The following USP6NL variants were observed in gnomAD, a reference collection of about 807,000 sequenced individuals.
USP6NL encodes USP6 N-terminal like, also known as USP6 N-terminal-like protein.
USP6NL carries 26 observed loss-of-function variants against 61.9 expected under a neutral mutation model. The ratio of observed to expected loss-of-function variants is 0.42; its 90% CI spans 0.31 to 0.58. USP6NL has a LOEUF of 0.58. Ranked by LOEUF, USP6NL falls within the 20% of genes least tolerant of loss-of-function variation. USP6NL has a pLI of 0.16. For synonymous variants in USP6NL, 432 were observed against 390.1 expected (o/e 1.11, Z -1.27); for missense variants, 1,114 against 1,034.3 (o/e 1.08, Z -1.06).
Position 11,548,013 on chromosome 10 carries a change from AT to A in USP6NL, c.5-20447del, listed in dbSNP as rs745632658. Among the ~76,000 whole-genome samples, 1 of 152,338 alleles carries A rather than the reference AT, an allele frequency of 6.6e-6. No homozygotes were observed. Among genetic ancestry groups the A allele is most frequent in the Non-Finnish European group, 1.5e-5 (1 of 68,020 alleles). On this transcript the variant is annotated intron_variant, in intron 2 of 14. Transcript: ENST00000609104. This position sits in a 1 kb window ranked among gnomAD's most constrained non-coding sequence, Gnocchi z 4.3. ...AGCTCAACCTCTCACAAATGATGAT[AT>A]CCCCTCGATAACATCTCTTAATAAG... is the stretch of plus-strand genomic sequence containing the variant.
intron 14 of USP6NL, among the ~76,000 whole-genome samples, chr10:11,469,661 G>A (rs1375855794): frequency 6.6e-6 from 1 of 152,188 alleles, no homozygotes; most frequent in East Asian, 1.9e-4. Context: ...TCAAATACAG[G>A]TGCTGAAAAA....
intron 6 of USP6NL, among the ~76,000 whole-genome samples, chr10:11,508,616 G>A (rs148446536): frequency 2.0e-5 from 3 of 152,258 alleles, no homozygotes; most frequent in East Asian, 3.9e-4. Context: ...GAATGCCCTC[G>A]ATGAAGCAGT....
chr10:11,605,815 T>C (rs1332900130), intron 1 of USP6NL, among the ~76,000 whole-genome samples: 2 of 151,924 alleles, frequency 1.3e-5, no homozygotes, highest in Admixed American at 6.6e-5. Flanking sequence ...AAGAAAATAT[T>C]CAAAACAAAA....
Position 11,518,418 on chromosome 10 carries a change from C to T in USP6NL, c.195+117G>A, listed in dbSNP as rs1406936808. 2 of 882,838 alleles carry T rather than the reference C, an allele frequency of 2.3e-6. No homozygotes were observed. The highest frequency in any genetic ancestry group is 2.2e-5 in the Admixed American group (1 of 45,496). 54.7% of individuals were successfully genotyped at this position (882,838 alleles called of 1,614,324 possible). A position where few individuals can be genotyped will look rare whatever the true frequency, so the allele number is the denominator to read the frequency against. On this transcript the variant is annotated intron_variant, in intron 5 of 14. Coordinates refer to ENST00000609104, the MANE Select transcript of USP6NL (RefSeq NM_014688.5). The surrounding 1 kb of genome is among the most constrained non-coding windows in gnomAD (Gnocchi z 5.3). ...TGGCATAATGAGGTCCAAAATCTAA[C>T]AATGACTGTACCATTCCCATATAAT...
Position 11,478,226 on chromosome 10 carries a change from C to T in USP6NL, c.1078+3544G>A, listed in dbSNP as rs1053006830. Among the ~76,000 whole-genome samples, 15 of 152,342 alleles carry T rather than the reference C, an allele frequency of 9.8e-5. No homozygotes were observed. The highest frequency in any genetic ancestry group is 3.6e-4 in the African/African-American group (15 of 41,578). ...TTGGGTCTCCTCTGCAGAGCCCCTG[C>T]TTAGGCTCCAACGCCAGTGGCAGCA... On this transcript the variant is annotated intron_variant, in intron 14 of 14. Transcript: ENST00000609104. This position sits in a 1 kb window ranked among gnomAD's most constrained non-coding sequence, Gnocchi z 6.8.
At chr10:11,471,368 A>C (rs1359276824) in intron 14 of USP6NL, among the ~76,000 whole-genome samples, 1 of 152,158 alleles carries the variant, frequency 6.6e-6, no homozygotes, top group Admixed American at 6.5e-5. Flanking sequence ...ACACTTTTAC[A>C]CTGTTGGTGG....
Position 11,461,540 on chromosome 10 carries a change from C to G in USP6NL, c.*901G>C, listed in dbSNP as rs1437414044. 6.6e-6 allele frequency: 1 copy of G among 152,168 alleles called. No homozygotes were observed. Among genetic ancestry groups the G allele is most frequent in the Non-Finnish European group, 1.5e-5 (1 of 68,034 alleles). 9.4% of individuals were successfully genotyped at this position (152,168 alleles called of 1,614,324 possible). On this transcript the variant is annotated 3_prime_UTR_variant, in exon 15 of 15. Coordinates refer to ENST00000609104, the MANE Select transcript of USP6NL (RefSeq NM_014688.5). ...CACACTGCTAATGCAGTTAGTGTGGCTGCCCCACATGAGTACTGTGAGCAC... is the reference window on the plus strand; with the variant it reads ...CACACTGCTAATGCAGTTAGTGTGGGTGCCCCACATGAGTACTGTGAGCAC...
chr10:11,590,036 T>A (rs368650436), intron 2 of USP6NL, among the ~76,000 whole-genome samples: 1 of 152,202 alleles, frequency 6.6e-6, no homozygotes, highest in East Asian at 1.9e-4. Flanking sequence ...ACCTCCTAAC[T>A]TCTGGGCCAC....
intron 6 of USP6NL, among the ~76,000 whole-genome samples, chr10:11,503,543 G>A (rs150365691): frequency 1.3e-5 from 2 of 152,212 alleles, no homozygotes; most frequent in South Asian, 2.1e-4. Context: ...GTACATATGG[G>A]AAAGCTTAAG....
chr10:11,470,980 T>C lies in USP6NL; in HGVS notation c.1079-7131A>G, dbSNP rs1832718613. Among the ~76,000 whole-genome samples the C allele has an allele frequency of 6.6e-6, 1 of 152,102 alleles. No homozygotes were observed. On this transcript the variant is annotated intron_variant, in intron 14 of 14. Transcript: ENST00000609104. This position sits in a 1 kb window ranked among gnomAD's most constrained non-coding sequence, Gnocchi z 5.4. ...GTGGGCGGATCACGAGGTCAGGAGA[T>C]GGAGACCATCCCGGCCAACATGGTG...
In USP6NL at chr10:11,465,658, G is replaced by A. The variant is rs994013767; in HGVS notation, c.1079-1809C>T. 1.3e-5 allele frequency among the ~76,000 whole-genome samples: 2 copies of A among 152,178 alleles called. No individual in the cohort carries two copies. Among genetic ancestry groups the A allele is most frequent in the African/African-American group, 4.8e-5 (2 of 41,440 alleles). ...GTGCTCTCCCCACACCGTGCTGGCA[G>A]CGGAAGCACCCAAGCTGCTCTCAGT... On this transcript the variant is annotated intron_variant, in intron 14 of 14. Transcript: ENST00000609104. This position sits in a 1 kb window ranked among gnomAD's most constrained non-coding sequence, Gnocchi z 4.5.
Position 11,562,387 on chromosome 10 carries a change from A to T in USP6NL, c.5-34820T>A, listed in dbSNP as rs1312666907. 1 of 985,260 alleles carries T rather than the reference A, an allele frequency of 1.0e-6. No homozygotes were observed. Among genetic ancestry groups the T allele is most frequent in the Admixed American group, 6.1e-5 (1 of 16,266 alleles). The allele number at this position is 985,260 out of a possible 1,614,324, so 61.0% of individuals were successfully genotyped here. On this transcript the variant is annotated intron_variant, in intron 2 of 14. Coordinates refer to ENST00000609104, the MANE Select transcript of USP6NL (RefSeq NM_014688.5). The surrounding 1 kb of genome is among the most constrained non-coding windows in gnomAD (Gnocchi z 4.8). Reference sequence around the variant, plus strand: ...TCCTTACACAGGTGACACCAACTTCAGATTTCCCCTTTTCCTTTTTCTTCT... The same window carrying T: ...TCCTTACACAGGTGACACCAACTTCTGATTTCCCCTTTTCCTTTTTCTTCT...
chr10:11,549,674 A>T (rs1836413735), intron 2 of USP6NL, among the ~76,000 whole-genome samples: 1 of 152,202 alleles, frequency 6.6e-6, no homozygotes. Context: ...AGTCTGTGGT[A>T]ATCAAGCCCA....
intron 6 of USP6NL, among the ~76,000 whole-genome samples, chr10:11,508,619 G>T (rs561687226): frequency 7.1e-4 from 108 of 152,330 alleles, no homozygotes; most frequent in Middle Eastern, 3.4e-3. Flanking sequence ...TGCCCTCGAT[G>T]AAGCAGTAAA....
At chr10:11,571,934 T>C (rs77328712) in intron 2 of USP6NL, among the ~76,000 whole-genome samples, 2,509 of 150,892 alleles carry the variant, frequency 0.017, 71 homozygotes, top group African/African-American at 0.057. Context: ...TCTACTACTT[T>C]AATATACTAC....
At chr10:11,609,882 G>C (rs576521834) in intron 1 of USP6NL, among the ~76,000 whole-genome samples, 5 of 152,162 alleles carry the variant, frequency 3.3e-5, no homozygotes, top group Non-Finnish European at 7.4e-5. Context: ...GTCCCCAGTA[G>C]GAGCTATTTG....
At chr10:11,480,666 C>T (rs899718264) in intron 14 of USP6NL, among the ~76,000 whole-genome samples, 4 of 152,152 alleles carry the variant, frequency 2.6e-5, no homozygotes, top group Non-Finnish European at 4.4e-5. Context: ...TAAATAAAAG[C>T]AAACATCTTG....
intron 14 of USP6NL, among the ~76,000 whole-genome samples, chr10:11,479,515 A>G (rs959881434): frequency 6.6e-6 from 1 of 151,510 alleles, no homozygotes; most frequent in Non-Finnish European, 1.5e-5. Context: ...GGGAGTTCAC[A>G]CTGCCACATT....
chr10:11,554,328 C>T (rs138681615), intron 2 of USP6NL, among the ~76,000 whole-genome samples: 23 of 152,292 alleles, frequency 1.5e-4, no homozygotes, highest in Middle Eastern at 3.4e-3. Context: ...AGAAATCAAC[C>T]CAAAATCTGA....
Sources: allele counts gnomAD v4.1 joint callset (sites outside exome capture counted in the v4.1 genomes callset), GRCh38; gene constraint gnomAD v4.1.1; non-coding constraint Gnocchi (gnomAD v3.1); transcripts MANE v1.5; gene names NCBI Gene and HGNC (gene_info 2026-07-23, HGNC 2026-07-21).